WDR43: variants seen among roughly 807,000 people sequenced by gnomAD.
WDR43 encodes WD repeat-containing protein 43.
A neutral mutation model predicts 91.4 loss-of-function variants in WDR43; 13 were observed. The observed-to-expected ratio is 0.14, with a 90% CI of 0.09 to 0.23. The LOEUF (loss-of-function observed/expected upper bound fraction) is 0.23. WDR43 is among the 10% of genes least tolerant of loss of function. WDR43 has a pLI of 1.00. For synonymous variants in WDR43, 331 were observed against 287.9 expected (o/e 1.15, Z -1.51); for missense variants, 780 against 809.4 (o/e 0.96, Z 0.44).
At chr2:28,926,947 C>A in intron 9 of WDR43, 2 of 426,794 alleles carry the variant, frequency 4.7e-6, no homozygotes, top group South Asian at 1.8e-5. Flanking sequence ...CGTCATGGGG[C>A]TAGAATATAA....
rs1484180633 is a variant in WDR43 at position 28,946,657 on chromosome 2, G to A, written c.1912G>A (p.Glu638Lys). The change falls in exon 18 of 18, where the codon GAG becomes AAG. Residue 638 changes from glutamate to lysine, a missense_variant. Glu to Lys is a moderately conservative substitution (Grantham distance 56). Transcript: ENST00000407426. ...SESEKDEDVE[E>K]EDEDAEGKDE... The stretch of plus-strand genomic sequence containing the variant: ...AAGTGAAAAAGATGAGGACGTTGAA[G>A]AGGAAGATGAGGATGCCGAAGGAAA... 6.4e-7 allele frequency: 1 copy of A among 1,559,528 alleles called. No individual in the cohort carries two copies. The highest frequency in any genetic ancestry group is 8.7e-7 in the Non-Finnish European group (1 of 1,151,058).
intron 1 of WDR43, among the ~76,000 whole-genome samples, chr2:28,900,995 G>A (rs1670569746): frequency 6.6e-6 from 1 of 152,178 alleles, no homozygotes; most frequent in Admixed American, 6.6e-5. Context: ...CGTTGTGGTT[G>A]TCATTGGTTT....
chr2:28,906,833 T>C (rs937934003), intron 3 of WDR43, among the ~76,000 whole-genome samples: 3 of 151,932 alleles, frequency 2.0e-5, no homozygotes, highest in African/African-American at 7.3e-5. Flanking sequence ...CCGAGTACAG[T>C]AGTGTTGGGA....
intron 5 of WDR43, among the ~76,000 whole-genome samples, chr2:28,916,535 C>T (rs1670913351): frequency 6.6e-6 from 1 of 152,074 alleles, no homozygotes; most frequent in Non-Finnish European, 1.5e-5. Flanking sequence ...TATGGATATC[C>T]AGGGATCCCA....
intron 10 of WDR43, chr2:28,927,918 T>C: frequency 3.2e-6 from 2 of 632,546 alleles, no homozygotes; most frequent in Non-Finnish European, 4.9e-6. Context: ...CTAAAGAGGG[T>C]GCTGTTTTGG....
intron 11 of WDR43, 111 bp downstream of exon 11, chr2:28,929,821 T>C: frequency 8.5e-7 from 1 of 1,175,308 alleles, no homozygotes; most frequent in South Asian, 1.5e-5. Flanking sequence ...CCATTTGGAA[T>C]GTAATGTTTT....
chr2:28,899,171 A>G (rs1373096771), intron 1 of WDR43, among the ~76,000 whole-genome samples: 3 of 152,242 alleles, frequency 2.0e-5, no homozygotes, highest in Admixed American at 6.5e-5. Context: ...AGTTACAAAT[A>G]TATAAACTAA....
At position 28,895,250 on chromosome 2, in the gene WDR43, G is replaced by C. The variant is rs1176795526; in HGVS notation, c.225+327G>C. On this transcript the variant is annotated intron_variant, in intron 1 of 17. Transcript: ENST00000407426. ...CCCTGGGGCGGCTTCCTTCTGCCGG[G>C]CCTTGGCTCATCAGAGTTCTGGTTT... The C allele has an allele frequency of 1.2e-5, 3 of 258,592 alleles. No homozygotes were observed. The South Asian group carries it at 4.9e-4, about 43-fold the overall frequency. The allele number at this position is 258,592 out of a possible 1,614,324, so 16.0% of individuals were successfully genotyped here.
At chr2:28,941,822 T>C (rs1240406899) in intron 15 of WDR43, among the ~76,000 whole-genome samples, 2 of 152,072 alleles carry the variant, frequency 1.3e-5, no homozygotes, top group South Asian at 2.1e-4. Flanking sequence ...TTTGAACTCC[T>C]AGGCTCAAGG....
intron 11 of WDR43, among the ~76,000 whole-genome samples, chr2:28,933,854 A>G (rs897182412): frequency 6.6e-6 from 1 of 152,218 alleles, no homozygotes; most frequent in Non-Finnish European, 1.5e-5. Flanking sequence ...GTTGGTGAGG[A>G]TGTAGAGCAG....
intron 1 of WDR43, among the ~76,000 whole-genome samples, chr2:28,897,064 C>T (rs66604446): frequency 0.26 from 39,260 of 151,912 alleles, 6,286 homozygotes; most frequent in East Asian, 0.77. Context: ...CATGGTGCCC[C>T]GAACTCCTGG....
chr2:28,935,440 A>C, intron 11 of WDR43, 81 bp from the exon 12 acceptor site: 1 of 1,021,780 alleles, frequency 9.8e-7, no homozygotes, highest in Middle Eastern at 2.6e-4. Context: ...TAAAGGATTC[A>C]TTTTTACAGA....
At chr2:28,901,165 A>G (rs1416001447) in intron 1 of WDR43, among the ~76,000 whole-genome samples, 1 of 152,234 alleles carries the variant, frequency 6.6e-6, no homozygotes, top group East Asian at 1.9e-4. Flanking sequence ...TATGCTAAAA[A>G]CATATAGGCT....
In WDR43 at chr2:28,894,757, C is replaced by A; in HGVS notation, c.59C>A (p.Ala20Asp). 3 of 1,600,654 alleles carry A rather than the reference C, an allele frequency of 1.9e-6. No individual in the cohort carries two copies. The highest frequency in any genetic ancestry group is 1.3e-5 in the African/African-American group (1 of 74,842). ...CTGGCCCCTGCTGGGGTCCCTTGCG[C>A]CTTCTCCCCGCACAGCCAGGCCTAC... ...DPLAPAGVPC[A>D]FSPHSQAYFA... Residue 20 changes from alanine to aspartate, a missense_variant, in exon 1 of 18, where the codon GCC becomes GAC. Ala to Asp is a moderately radical substitution (Grantham distance 126). Transcript: ENST00000407426.
At chr2:28,917,207 C>T (rs1670928552) in intron 5 of WDR43, among the ~76,000 whole-genome samples, 1 of 152,136 alleles carries the variant, frequency 6.6e-6, no homozygotes. Flanking sequence ...TGTTAGGCAA[C>T]TCAGATTTTT....
intron 12 of WDR43, among the ~76,000 whole-genome samples, chr2:28,936,206 T>C (rs1053582508): frequency 1.3e-5 from 2 of 151,782 alleles, no homozygotes; most frequent in Non-Finnish European, 2.9e-5. Context: ...AAAAAAAAAG[T>C]ATATATAATT....
At chr2:28,919,727 A>G (rs1295594696) in intron 6 of WDR43, among the ~76,000 whole-genome samples, 1 of 152,198 alleles carries the variant, frequency 6.6e-6, no homozygotes, top group Non-Finnish European at 1.5e-5. Flanking sequence ...ATAAAGTTGG[A>G]CATGCTTGTG....
chr2:28,919,666 A>C (rs1670984043), intron 6 of WDR43, among the ~76,000 whole-genome samples: 1 of 152,012 alleles, frequency 6.6e-6, no homozygotes, highest in South Asian at 2.1e-4. Context: ...AAAAAAAAAA[A>C]CAAACTAGTA....
At chr2:28,910,306 A>G (rs917202577) in intron 3 of WDR43, among the ~76,000 whole-genome samples, 9 of 152,208 alleles carry the variant, frequency 5.9e-5, no homozygotes, top group Non-Finnish European at 8.8e-5. Context: ...TGTCTTTTAT[A>G]TATGTATCAA....
Sources: gnomAD v4.1 joint callset for allele counts (sites outside exome capture counted in the v4.1 genomes callset) on GRCh38, gnomAD v4.1.1 for gene constraint, MANE v1.5 for transcripts, NCBI Gene and HGNC (gene_info 2026-07-23, HGNC 2026-07-21) for gene names.